Variants in AGAP1 observed in about 807,000 individuals in gnomAD.
AGAP1 encodes arf-GAP with GTPase, ANK repeat and PH domain-containing protein 1.
Under a neutral mutation model 105.3 loss-of-function variants are expected in AGAP1, and 29 were observed. The ratio of observed to expected loss-of-function variants is 0.28; its 90% CI spans 0.21 to 0.38. The LOEUF (loss-of-function observed/expected upper bound fraction) is 0.38, where lower values mean the gene tolerates loss of function less well. Among genes scored for constraint, AGAP1 ranks in the 10% least tolerant of loss-of-function variants. The probability of loss-of-function intolerance (pLI) is 1.00; values close to 1 mark genes in which losing one functional copy is unlikely to be tolerated. For synonymous variants in AGAP1, 509 were observed against 485.9 expected (o/e 1.05, Z -0.63); for missense variants, 998 against 1,165.1 (o/e 0.86, Z 2.09).
chr2:235,554,763 AG>A (rs1390675205), intron 1 of AGAP1, among the ~76,000 whole-genome samples: 14 of 152,194 alleles, frequency 9.2e-5, no homozygotes, highest in African/African-American at 3.4e-4. Context: ...ACTGCCTCCC[AG>A]GTTCAAGCAG....
Position 235,969,883 on chromosome 2 carries a change from T to C in AGAP1, c.1645+1260T>C, listed in dbSNP as rs531030097. Among the ~76,000 whole-genome samples the C allele has an allele frequency of 2.0e-5, 3 of 152,324 alleles. No individual in the cohort carries two copies. In the East Asian group the frequency reaches 5.8e-4, roughly 29 times the overall value. ...CTTCCTGTTTTGCCTCCTGTAAGCTTCCTGCTAACATATTTAGCCAATAAA... is the reference window on the plus strand; with the variant it reads ...CTTCCTGTTTTGCCTCCTGTAAGCTCCCTGCTAACATATTTAGCCAATAAA... On this transcript the variant is annotated intron_variant, in intron 13 of 17. Coordinates refer to ENST00000304032, the MANE Select transcript of AGAP1 (RefSeq NM_001037131.3).
At chr2:235,932,662 C>T (rs568999189) in intron 12 of AGAP1, among the ~76,000 whole-genome samples, 2 of 152,326 alleles carry the variant, frequency 1.3e-5, no homozygotes, top group African/African-American at 4.8e-5. Context: ...TTTAAGTATT[C>T]ATCTAAAATT....
In AGAP1 at chr2:235,725,802, T is replaced by C. The variant is rs1011863890; in HGVS notation, c.310+8158T>C. Among the ~76,000 whole-genome samples the C allele has an allele frequency of 1.3e-5, 2 of 152,218 alleles. No homozygotes were observed. The highest frequency in any genetic ancestry group is 6.5e-5 in the Admixed American group (1 of 15,286). The stretch of plus-strand genomic sequence containing the variant: ...CTTTGTTCTTGTCTTCCTATGTGTG[T>C]GACAGTCCCTAACTTGACCCCTGGC... On this transcript the variant is annotated intron_variant, in intron 3 of 17. Transcript: ENST00000304032. This position sits in a 1 kb window ranked among gnomAD's most constrained non-coding sequence, Gnocchi z 5.7.
rs143810219 is a variant in AGAP1, at chr2:235,612,763, G to A, written c.164-96416G>A. On this transcript the variant is annotated intron_variant, in intron 1 of 17. Transcript: ENST00000304032. This position sits in a 1 kb window ranked among gnomAD's most constrained non-coding sequence, Gnocchi z 4.3. ...TGCCACCTGGGCTTGCATGCCGGAC[G>A]CATACCTGGCACCTGCTTCCAGGTT... Among the ~76,000 whole-genome samples the A allele has an allele frequency of 9.3e-3, 1,416 of 152,236 alleles. 55 individuals carry two copies. Among genetic ancestry groups the A allele is most frequent in the Admixed American group, 0.062 (946 of 15,288 alleles).
Position 235,705,410 on chromosome 2 carries a change from CAT to C in AGAP1, c.164-3766_164-3765del, listed in dbSNP as rs1053273943. 7.2e-4 allele frequency among the ~76,000 whole-genome samples: 110 copies of C among 152,268 alleles called. No individual in the cohort carries two copies. The highest frequency in any genetic ancestry group is 2.6e-3 in the African/African-American group (107 of 41,558). On this transcript the variant is annotated intron_variant, in intron 1 of 17. Transcript: ENST00000304032. The surrounding 1 kb of genome is among the most constrained non-coding windows in gnomAD (Gnocchi z 4.9). ...TATGCCCAGCTGTGTTTCCCTGAAG[CAT>C]ATTTATCCTTCCAGTGTTCCTGCAC... is the stretch of plus-strand genomic sequence containing the variant.
intron 9 of AGAP1, among the ~76,000 whole-genome samples, chr2:235,861,349 C>T (rs1256191107): frequency 2.0e-5 from 3 of 152,092 alleles, no homozygotes; most frequent in Admixed American, 1.3e-4. Flanking sequence ...CCAGAAGTGC[C>T]GTTTTGACCA....
rs891417480 is a variant in AGAP1 at position 235,734,610 on chromosome 2, G to A, written c.311-6353G>A. Among the ~76,000 whole-genome samples, 1 of 152,262 alleles carries A rather than the reference G, an allele frequency of 6.6e-6. No individual in the cohort carries two copies. Among genetic ancestry groups the A allele is most frequent in the Admixed American group, 6.5e-5 (1 of 15,296 alleles). On this transcript the variant is annotated intron_variant, in intron 3 of 17. Coordinates refer to ENST00000304032, the MANE Select transcript of AGAP1 (RefSeq NM_001037131.3). The surrounding 1 kb of genome is among the most constrained non-coding windows in gnomAD (Gnocchi z 5.3). Reference sequence around the variant, plus strand: ...TAAAAAATGAAAGTTACAGACAGGTGTCTGTCTTTTTAGTTTCCTAAGCAC... The same window carrying A: ...TAAAAAATGAAAGTTACAGACAGGTATCTGTCTTTTTAGTTTCCTAAGCAC...
rs1038190293 is a variant in AGAP1 at position 235,930,364 on chromosome 2, A to G, written c.1325-401A>G. Among the ~76,000 whole-genome samples, 1 of 152,106 alleles carries G rather than the reference A, an allele frequency of 6.6e-6. No homozygotes were observed. The highest frequency in any genetic ancestry group is 2.1e-4 in the South Asian group (1 of 4,826). ...TCAATGGGTGATCATTTTCTGTTCC[A>G]TTGGTAGGGTGACATGGCCGGGCTC... On this transcript the variant is annotated intron_variant, in intron 11 of 17. Transcript: ENST00000304032. This position sits in a 1 kb window ranked among gnomAD's most constrained non-coding sequence, Gnocchi z 7.9.
Position 236,025,607 on chromosome 2 carries a change from C to T in AGAP1, c.1646-10954C>T, listed in dbSNP as rs145710677. On this transcript the variant is annotated intron_variant, in intron 13 of 17. Transcript: ENST00000304032. ...CCGAAGTGTAAACACGGATTAAACA[C>T]GGATTAAATCTTGAGATTTGCTAGG... 4.1e-4 allele frequency among the ~76,000 whole-genome samples: 63 copies of T among 152,238 alleles called. 1 individual carries two copies. In the East Asian group the frequency reaches 0.011, roughly 27 times the overall value.
intron 13 of AGAP1, 109 bp downstream of exon 13, chr2:235,968,732 G>A: frequency 8.6e-7 from 1 of 1,161,802 alleles, no homozygotes; most frequent in Non-Finnish European, 1.2e-6. Flanking sequence ...GCACAGTAAT[G>A]CTGGTCACCG....
chr2:235,968,392 C>A, intron 12 of AGAP1, 70 bp from the exon 13 acceptor site: 1 of 1,522,198 alleles, frequency 6.6e-7, no homozygotes, highest in Non-Finnish European at 8.8e-7. Flanking sequence ...GCTGTTTCTG[C>A]GCATTCTGCT....
intron 1 of AGAP1, among the ~76,000 whole-genome samples, chr2:235,565,817 C>T (rs903757729): frequency 2.6e-5 from 4 of 152,208 alleles, no homozygotes; most frequent in African/African-American, 7.2e-5. Flanking sequence ...CACGCCACCA[C>T]GCCAGGCTCA....
chr2:235,704,969 CTTTTTTTTTTTT>C (rs969370505), intron 1 of AGAP1, among the ~76,000 whole-genome samples: 8 of 59,732 alleles, frequency 1.3e-4, no homozygotes, highest in African/African-American at 5.9e-4. Flanking sequence ...ATGCTTTTTT[CTTTTTTTTTTTT>C]TTTTTTTTTT....
rs1001680511 is a variant in AGAP1 at position 235,733,582 on chromosome 2, C to G, written c.311-7381C>G. Among the ~76,000 whole-genome samples, 1 of 152,164 alleles carries G rather than the reference C, an allele frequency of 6.6e-6. No individual in the cohort carries two copies. The highest frequency in any genetic ancestry group is 6.5e-5 in the Admixed American group (1 of 15,270). On this transcript the variant is annotated intron_variant, in intron 3 of 17. Coordinates refer to ENST00000304032, the MANE Select transcript of AGAP1 (RefSeq NM_001037131.3). The surrounding 1 kb of genome is among the most constrained non-coding windows in gnomAD (Gnocchi z 5.0). The stretch of plus-strand genomic sequence containing the variant: ...AAGGAAATTCAGTTATAGTGAAGTT[C>G]TAATCTGCCATCTTAACCTGGAGTT...
rs969823358 is a variant in AGAP1 at position 235,927,293 on chromosome 2, A to T, written c.1325-3472A>T. 1.3e-5 allele frequency among the ~76,000 whole-genome samples: 2 copies of T among 152,096 alleles called. No homozygotes were observed. Among genetic ancestry groups the T allele is most frequent in the Non-Finnish European group, 2.9e-5 (2 of 68,002 alleles). On this transcript the variant is annotated intron_variant, in intron 11 of 17. Transcript: ENST00000304032. The surrounding 1 kb of genome is among the most constrained non-coding windows in gnomAD (Gnocchi z 4.4). ...CTTGCCAGGAGGTTCGTCACCCCAG[A>T]GGTTCCAGGTTGGTTCCTTGGGGAC...
rs536595335 is a variant in AGAP1 at position 236,101,729 on chromosome 2, G to T, written c.2115-18463G>T. ...ATGGTGAACGGAATTCACTGTGATG[G>T]CGGCTGCACCAGCAGAGCCGCCGTG... On this transcript the variant is annotated intron_variant, in intron 16 of 17. Transcript: ENST00000304032. The surrounding 1 kb of genome is among the most constrained non-coding windows in gnomAD (Gnocchi z 4.9). Among the ~76,000 whole-genome samples, 1 of 152,234 alleles carries T rather than the reference G, an allele frequency of 6.6e-6. No individual in the cohort carries two copies. Among genetic ancestry groups the T allele is most frequent in the African/African-American group, 2.4e-5 (1 of 41,472 alleles).
chr2:235,805,647 G>A (rs528781554), intron 8 of AGAP1, among the ~76,000 whole-genome samples: 82 of 152,196 alleles, frequency 5.4e-4, no homozygotes, highest in African/African-American at 1.9e-3. Context: ...GTGATGTGGA[G>A]AAAAGAATTT....
Position 235,717,548 on chromosome 2 carries a change from C to G in AGAP1, c.223-9C>G. 6.3e-7 allele frequency: 1 copy of G among 1,586,022 alleles called. No homozygotes were observed. The highest frequency in any genetic ancestry group is 8.5e-7 in the Non-Finnish European group (1 of 1,172,264). On this transcript the variant is annotated splice_polypyrimidine_tract_variant and intron_variant, in intron 2 of 17. Transcript: ENST00000304032. ...GATGATGCTTAACGGTTGTCCGTTTCTGTTTCAGGGAATTGTGGGTAACTT... is the reference window on the plus strand; with the variant it reads ...GATGATGCTTAACGGTTGTCCGTTTGTGTTTCAGGGAATTGTGGGTAACTT...
At position 235,746,387 on chromosome 2, in the gene AGAP1, T is replaced by C. The variant is rs1183170773; in HGVS notation, c.538+1548T>C. ...GAGCACCTCCCCCAACTTTTTTTTT[T>C]TTTTTTTTTTTTTTTTTTTTTTTTA... On this transcript the variant is annotated intron_variant, in intron 5 of 17. Transcript: ENST00000304032. 6.2e-5 allele frequency among the ~76,000 whole-genome samples: 7 copies of C among 112,288 alleles called. 1 individual carries two copies. The highest frequency in any genetic ancestry group is 2.4e-4 in the African/African-American group (7 of 29,290). 73.7% of individuals were successfully genotyped at this position (112,288 alleles called of 152,430 possible).
Sources: allele counts gnomAD v4.1 joint callset (sites outside exome capture counted in the v4.1 genomes callset), GRCh38; gene constraint gnomAD v4.1.1; non-coding constraint Gnocchi (gnomAD v3.1); transcripts MANE v1.5; gene names NCBI Gene and HGNC (gene_info 2026-07-23, HGNC 2026-07-21).